Variants in ZFHX4 observed in about 807,000 individuals in gnomAD.
The protein encoded by ZFHX4 is zinc finger homeobox protein 4.
In ZFHX4, 56 loss-of-function variants were observed where a neutral mutation model predicts 267.6. The ratio of observed to expected loss-of-function variants is 0.21; its 90% CI spans 0.17 to 0.26. The LOEUF is 0.26. Among genes scored for constraint, ZFHX4 ranks in the 10% least tolerant of loss-of-function variants. The pLI is 1.00. For synonymous variants in ZFHX4, 1,778 were observed against 1,665.6 expected (o/e 1.07, Z -1.64); for missense variants, 4,332 against 4,420.0 (o/e 0.98, Z 0.56).
intron 4 of ZFHX4, among the ~76,000 whole-genome samples, chr8:76,797,594 TAGTC>T (rs1404909764): frequency 1.3e-5 from 2 of 152,228 alleles, no homozygotes; most frequent in East Asian, 3.8e-4. Flanking sequence ...AAACAATATT[TAGTC>T]AGCCCTTTTA....
chr8:76,795,115 C>T (rs537308837), intron 4 of ZFHX4, among the ~76,000 whole-genome samples: 1 of 152,246 alleles, frequency 6.6e-6, no homozygotes, highest in African/African-American at 2.4e-5. Flanking sequence ...ATTCCTTCTT[C>T]ATTGTAATTA....
chr8:76,745,882 A>G (rs1236177354), intron 3 of ZFHX4, among the ~76,000 whole-genome samples: 1 of 152,332 alleles, frequency 6.6e-6, no homozygotes, highest in East Asian at 1.9e-4. Context: ...AATTAATGCA[A>G]TGTTCTTTTA....
chr8:76,720,175 T>A (rs1253197436), intron 3 of ZFHX4, among the ~76,000 whole-genome samples: 2 of 152,076 alleles, frequency 1.3e-5, no homozygotes, highest in Non-Finnish European at 2.9e-5. Flanking sequence ...TTATCCCCAA[T>A]CCTCCCTTCT....
At chr8:76,815,875 C>A (rs1811493605) in intron 4 of ZFHX4, among the ~76,000 whole-genome samples, 1 of 152,152 alleles carries the variant, frequency 6.6e-6, no homozygotes, top group Admixed American at 6.5e-5. Context: ...GCTAGGATTT[C>A]AACATATGAA....
rs1219312994 is a variant in ZFHX4, at chr8:76,705,947, C to T, written c.1859C>T (p.Thr620Ile). 1 of 1,613,516 alleles carries T rather than the reference C, an allele frequency of 6.2e-7. No individual in the cohort carries two copies. The highest frequency in any genetic ancestry group is 1.3e-5 in the African/African-American group (1 of 74,806). Residue 620 changes from threonine (T) to isoleucine (I), a missense_variant, in exon 2 of 11, where the codon ACT becomes ATT. Physicochemically the swap from Thr to Ile is moderately conservative, Grantham distance 89 (BLOSUM62 -1). This residue lies in a region of ZFHX4 where 1,195 missense variants were observed against 1,173.6 expected (regional missense o/e 1.02). Transcript: ENST00000651372. Reference sequence around the variant, plus strand: ...GGCATCGAGTGTCCAAAGTGCGACACTGTGTTGGGGTCTTCGAGGTCTCTT... The same window carrying T: ...GGCATCGAGTGTCCAAAGTGCGACATTGTGTTGGGGTCTTCGAGGTCTCTT... ...GSGIECPKCD[T>I]VLGSSRSLGG...
intron 4 of ZFHX4, among the ~76,000 whole-genome samples, chr8:76,820,450 T>TA (rs1811619392): frequency 5.3e-5 from 8 of 152,210 alleles, no homozygotes; most frequent in Admixed American, 5.2e-4. Flanking sequence ...TATGGCAGTG[T>TA]GACTTCAGCC....
Position 76,791,963 on chromosome 8 carries a change from AAACC to A in ZFHX4, c.3325+13525_3325+13528del, listed in dbSNP as rs1406633847. Among the ~76,000 whole-genome samples, 6 of 152,308 alleles carry A rather than the reference AAACC, an allele frequency of 3.9e-5. No individual in the cohort carries two copies. The East Asian group carries it at 1.2e-3, about 29-fold the overall frequency. On this transcript the variant is annotated intron_variant, in intron 4 of 10. Transcript: ENST00000651372. Reference sequence around the variant, plus strand: ...TGTACATCTTAACTATACAACCATGAAACCTTTAAGTCCACAGATATAATTTTAA... The same window carrying A: ...TGTACATCTTAACTATACAACCATGATTTAAGTCCACAGATATAATTTTAA...
At position 76,707,702 on chromosome 8, in the gene ZFHX4, G is replaced by T; in HGVS notation, c.2747G>T (p.Ser916Ile). ...GTTTGCAACAAATTCACCTCTGACA[G>T]CCTGGAGGCCCTAAGTGTGCATGTG... is the stretch of plus-strand genomic sequence containing the variant. Reference protein sequence around the residue: ...CAVCNKFTSDSLEALSVHVSS... With the variant: ...CAVCNKFTSDILEALSVHVSS... Residue 916 changes from serine to isoleucine, a missense_variant, in exon 3 of 11, where the codon AGC becomes ATC. This residue lies in a region of ZFHX4 where 1,195 missense variants were observed against 1,173.6 expected (regional missense o/e 1.02). Coordinates refer to ENST00000651372, the MANE Select transcript of ZFHX4 (RefSeq NM_024721.5). 1 of 1,613,864 alleles carries T rather than the reference G, an allele frequency of 6.2e-7. No homozygotes were observed. The highest frequency in any genetic ancestry group is 8.5e-7 in the Non-Finnish European group (1 of 1,179,884).
chr8:76,753,656 A>T (rs1585910661), intron 3 of ZFHX4, among the ~76,000 whole-genome samples: 1 of 113,536 alleles, frequency 8.8e-6, no homozygotes. Flanking sequence ...TTTTTTGGAG[A>T]CAGGGTCTCA....
chr8:76,857,672 T>C (rs954044778), intron 10 of ZFHX4, among the ~76,000 whole-genome samples: 6 of 152,004 alleles, frequency 3.9e-5, no homozygotes, highest in Non-Finnish European at 7.4e-5. Flanking sequence ...ATGTCTGCCA[T>C]GTCCCTTCCT....
chr8:76,803,040 G>C (rs1221197332), intron 4 of ZFHX4, among the ~76,000 whole-genome samples: 1 of 152,110 alleles, frequency 6.6e-6, no homozygotes, highest in Non-Finnish European at 1.5e-5. Context: ...AGACCGAAAA[G>C]TGTGATATTT....
chr8:76,830,964 T>C (rs1226887217), intron 4 of ZFHX4, among the ~76,000 whole-genome samples: 3 of 152,182 alleles, frequency 2.0e-5, no homozygotes, highest in Admixed American at 1.3e-4. Context: ...ACTAGATACA[T>C]TGAAAATTTG....
In ZFHX4 at chr8:76,855,538, A is replaced by G. The variant is rs751771106; in HGVS notation, c.8617A>G (p.Ile2873Val). The G allele has an allele frequency of 6.2e-7, 1 of 1,613,888 alleles. No homozygotes were observed. Residue 2873 changes from isoleucine to valine, a missense_variant, in exon 10 of 11, where the codon ATC (isoleucine) becomes GTC (valine). Physicochemically the swap from Ile to Val is conservative, Grantham distance 29 (BLOSUM62 3). This residue lies in a region of ZFHX4 where 1,648 missense variants were observed against 1,625.0 expected (regional missense o/e 1.01). Coordinates refer to ENST00000651372, the MANE Select transcript of ZFHX4 (RefSeq NM_024721.5). The part of the protein sequence containing the change: ...KFLFSLTSPS[I>V]HFNDKDGDHD... ...TCTCTTTTCTCTCACAAGCCCATCCATCCATTTCAATGACAAAGATGGCGA... is the reference window on the plus strand; with the variant it reads ...TCTCTTTTCTCTCACAAGCCCATCCGTCCATTTCAATGACAAAGATGGCGA...
intron 1 of ZFHX4, among the ~76,000 whole-genome samples, chr8:76,698,042 C>T (rs1333744752): frequency 6.6e-6 from 1 of 152,052 alleles, no homozygotes; most frequent in Non-Finnish European, 1.5e-5. Context: ...ATGAAGCAAT[C>T]ACTACAAAGC....
intron 3 of ZFHX4, among the ~76,000 whole-genome samples, chr8:76,731,856 C>CATTATTATTATTATTATTATTATT: frequency 7.0e-6 from 1 of 143,826 alleles, no homozygotes; most frequent in Admixed American, 7.1e-5. Flanking sequence ...TGGTGCCACA[C>CATTATTATTATTATTATTATTATT]ATTATTATTA....
At chr8:76,772,375 A>G (rs2131753893) in intron 3 of ZFHX4, among the ~76,000 whole-genome samples, 1 of 152,258 alleles carries the variant, frequency 6.6e-6, no homozygotes, top group African/African-American at 2.4e-5. Flanking sequence ...GAAATTTGAG[A>G]GTTGTCTATT....
rs751839950 is a variant in ZFHX4, at chr8:76,863,259, C to A, written c.9545C>A (p.Thr3182Asn). Reference sequence around the variant, plus strand: ...TCATCCTCTCTGTCAGGACAGCAGACCGAGCAACAGAACAAAGAATCTGAG... The same window carrying A: ...TCATCCTCTCTGTCAGGACAGCAGAACGAGCAACAGAACAAAGAATCTGAG... ...PPSSSLSGQQ[T>N]EQQNKESEKK... The change falls in exon 11 of 11, where the codon ACC becomes AAC. Residue 3182 changes from threonine to asparagine, a missense_variant. Physicochemically the swap from Thr to Asn is moderately conservative, Grantham distance 65 (BLOSUM62 0). Around this residue, in one of 7 missense-constraint regions of ZFHX4, gnomAD observed 1,648 missense variants for 1,625.0 expected, o/e 1.01. Transcript: ENST00000651372. 2 of 1,605,876 alleles carry A rather than the reference C, an allele frequency of 1.2e-6. No individual in the cohort carries two copies. The highest frequency in any genetic ancestry group is 1.7e-6 in the Non-Finnish European group (2 of 1,175,702).
chr8:76,779,265 CT>C (rs1316906401), intron 4 of ZFHX4, among the ~76,000 whole-genome samples: 1 of 151,900 alleles, frequency 6.6e-6, no homozygotes, highest in African/African-American at 2.4e-5. Context: ...TCCGTTTTCC[CT>C]TTTTTTTCTT....
chr8:76,737,860 G>C (rs1809206435), intron 3 of ZFHX4, among the ~76,000 whole-genome samples: 1 of 152,114 alleles, frequency 6.6e-6, no homozygotes, highest in African/African-American at 2.4e-5. Flanking sequence ...GTTAGCAGTA[G>C]TGTTAGCCAA....
Sources: allele counts gnomAD v4.1 joint callset (sites outside exome capture counted in the v4.1 genomes callset), GRCh38; gene constraint gnomAD v4.1.1; regional missense constraint gnomAD v4.1.1; transcripts MANE v1.5; gene names NCBI Gene and HGNC (gene_info 2026-07-23, HGNC 2026-07-21).